Variants in LOXL2 observed in about 807,000 individuals in gnomAD.
The protein encoded by LOXL2 is lysyl oxidase homolog 2.
A neutral mutation model predicts 93.0 loss-of-function variants in LOXL2; 70 were observed. That is an observed-to-expected ratio of 0.75 (90% CI 0.62 to 0.92). The LOEUF (loss-of-function observed/expected upper bound fraction) is 0.92, where lower values mean the gene tolerates loss of function less well. LOXL2 is among the 40% of genes least tolerant of loss of function. The pLI is 0.00. For synonymous variants in LOXL2, 438 were observed against 413.2 expected, an observed-to-expected ratio of 1.06 and a Z score of -0.73; for missense variants, 973 against 1,054.9, an observed-to-expected ratio of 0.92 and a Z score of 1.08.
At chr8:23,303,470 G>A in intron 10 of LOXL2, 73 bp from the exon 11 acceptor site, 1 of 873,552 alleles carries the variant, frequency 1.1e-6, no homozygotes, top group Non-Finnish European at 1.9e-6. Context: ...GGCCTGGCTG[G>A]CGATTTGCCT....
At chr8:23,363,787 C>T (rs1292066246) in intron 2 of LOXL2, 1 of 152,202 alleles carries the variant, frequency 6.6e-6, no homozygotes. Context: ...TGGTCAATTT[C>T]TACTTAGATG....
At chr8:23,370,310 T>A (rs1804474603) in intron 1 of LOXL2, among the ~76,000 whole-genome samples, 1 of 152,264 alleles carries the variant, frequency 6.6e-6, no homozygotes, top group Non-Finnish European at 1.5e-5. Context: ...GAGACCTTCC[T>A]AGGTCCTCCT....
chr8:23,299,627 C>T (rs1585339250), intron 12 of LOXL2, among the ~76,000 whole-genome samples: 1 of 151,982 alleles, frequency 6.6e-6, no homozygotes, highest in Non-Finnish European at 1.5e-5. Context: ...ACGGTGAGGA[C>T]CCGAGGAGAA....
At chr8:23,380,844 C>A (rs1378209337) in intron 1 of LOXL2, among the ~76,000 whole-genome samples, 1 of 152,054 alleles carries the variant, frequency 6.6e-6, no homozygotes, top group Non-Finnish European at 1.5e-5. Flanking sequence ...AAAACCCTGT[C>A]TCTACTAAAA....
chr8:23,367,016 C>T (rs1233638030), intron 2 of LOXL2, among the ~76,000 whole-genome samples: 4 of 152,140 alleles, frequency 2.6e-5, no homozygotes, highest in Non-Finnish European at 5.9e-5. Flanking sequence ...TGTCCTGCCT[C>T]AAAGCTGTTA....
chr8:23,352,358 CTATT>C (rs986695423), intron 3 of LOXL2, among the ~76,000 whole-genome samples: 2 of 152,276 alleles, frequency 1.3e-5, no homozygotes, highest in African/African-American at 4.8e-5. Flanking sequence ...AATGGGGCCT[CTATT>C]TAGGCATGGG....
chr8:23,387,173 C>T (rs1450087557), intron 1 of LOXL2, among the ~76,000 whole-genome samples: 1 of 152,204 alleles, frequency 6.6e-6, no homozygotes, highest in African/African-American at 2.4e-5. Flanking sequence ...AAATTATCCC[C>T]CAATATGGTC....
intron 8 of LOXL2, among the ~76,000 whole-genome samples, chr8:23,318,174 T>TA (rs201612130): frequency 0.054 from 3,561 of 66,052 alleles, 115 homozygotes; most frequent in East Asian, 0.24. Flanking sequence ...TCTTAAGGGG[T>TA]AAAAAAAAAA....
At position 23,341,101 on chromosome 8, in the gene LOXL2, T is replaced by G; in HGVS notation, c.634A>C (p.Lys212Gln). The G allele has an allele frequency of 6.2e-7, 1 of 1,614,082 alleles. No individual in the cohort carries two copies. The highest frequency in any genetic ancestry group is 1.7e-5 in the Admixed American group (1 of 60,016). ...MEGYVEVKEG[K>Q]TWKQICDKHW... is the part of the protein sequence containing the mutation. Reference sequence around the variant, plus strand: ...TTGTCACAGATCTGCTTCCAGGTCTTGCCCTCCTTCACCTCCACGTAGCCC... The same window carrying G: ...TTGTCACAGATCTGCTTCCAGGTCTGGCCCTCCTTCACCTCCACGTAGCCC... The change falls in exon 4 of 14, where the codon AAG becomes CAG. Residue 212 changes from lysine to glutamine, a missense_variant. Transcript: ENST00000389131.
At chr8:23,336,693 T>A (rs1197860934) in intron 4 of LOXL2, 4 of 152,122 alleles carry the variant, frequency 2.6e-5, no homozygotes. Flanking sequence ...TTTCCGGAAG[T>A]GGGGAAATAG....
chr8:23,325,592 A>G (rs1006208462), intron 6 of LOXL2, among the ~76,000 whole-genome samples: 1 of 152,134 alleles, frequency 6.6e-6, no homozygotes, highest in Non-Finnish European at 1.5e-5. Flanking sequence ...TTCTGTTTCT[A>G]TCAGACAGCA....
chr8:23,333,097 T>C (rs1803731875), intron 5 of LOXL2, among the ~76,000 whole-genome samples: 1 of 152,170 alleles, frequency 6.6e-6, no homozygotes, highest in South Asian at 2.1e-4. Flanking sequence ...GGGTCACATT[T>C]CCAGCTGTCC....
At chr8:23,341,482 T>G (rs2117181782) in intron 3 of LOXL2, 1 of 500,394 alleles carries the variant, frequency 2.0e-6, no homozygotes, top group South Asian at 2.2e-5. Context: ...CATGGGCTTC[T>G]CCTACATCCG....
chr8:23,344,940 C>G (rs560302126), intron 3 of LOXL2, among the ~76,000 whole-genome samples: 1 of 152,160 alleles, frequency 6.6e-6, no homozygotes, highest in African/African-American at 2.4e-5. Flanking sequence ...CCTCCTTGGG[C>G]CTTGCTGGGC....
chr8:23,303,324 G>A lies in LOXL2; in HGVS notation c.1954C>T (p.His652Tyr), dbSNP rs559581716. Residue 652 changes from histidine to tyrosine, a missense_variant, in exon 11 of 14, where the codon CAC becomes TAC. Coordinates refer to ENST00000389131, the MANE Select transcript of LOXL2 (RefSeq NM_002318.3). ...TCCTCCAAGCAGAAGCTGGCCTTGT[G>A]GCCCTCTGCCACCTTGGTGCCATTG... ...NLNGTKVAEG[H>Y]KASFCLEDTE... 348 of 1,613,638 alleles carry A rather than the reference G, an allele frequency of 2.2e-4. 4 individuals carry two copies. The South Asian group carries it at 3.4e-3, about 16-fold the overall frequency.
At chr8:23,358,026 A>G (rs565678799) in intron 3 of LOXL2, among the ~76,000 whole-genome samples, 1 of 152,324 alleles carries the variant, frequency 6.6e-6, no homozygotes, top group South Asian at 2.1e-4. Context: ...GGAGCTTCCA[A>G]TCTCATGGGA....
intron 1 of LOXL2, among the ~76,000 whole-genome samples, chr8:23,381,918 G>T (rs77603834): frequency 6.6e-6 from 1 of 152,230 alleles, no homozygotes. Flanking sequence ...CCTGGTGCAC[G>T]TTAGCTGCTT....
intron 1 of LOXL2, among the ~76,000 whole-genome samples, chr8:23,394,334 A>G (rs1194555194): frequency 6.6e-6 from 1 of 151,354 alleles, no homozygotes; most frequent in African/African-American, 2.4e-5. Flanking sequence ...TGGAGGTTGC[A>G]ATGAGCCGAG....
At chr8:23,346,220 A>G (rs1156259423) in intron 3 of LOXL2, among the ~76,000 whole-genome samples, 1 of 150,284 alleles carries the variant, frequency 6.7e-6, no homozygotes, top group Non-Finnish European at 1.5e-5. Flanking sequence ...AAAATAAAAT[A>G]AAATAAAATT....
Sources: gnomAD v4.1 joint callset for allele counts (sites outside exome capture counted in the v4.1 genomes callset) on GRCh38, gnomAD v4.1.1 for gene constraint, MANE v1.5 for transcripts, NCBI Gene and HGNC (gene_info 2026-07-23, HGNC 2026-07-21) for gene names.